ACTR3B: variants seen among roughly 807,000 people sequenced by gnomAD.
The protein encoded by ACTR3B is actin-related protein 3B.
In ACTR3B, 8 loss-of-function variants were observed where a neutral mutation model predicts 59.0. The ratio of observed to expected loss-of-function variants is 0.14; its 90% CI spans 0.08 to 0.24. The LOEUF (loss-of-function observed/expected upper bound fraction) is 0.24. Among genes scored for constraint, ACTR3B ranks in the 10% least tolerant of loss-of-function variants. ACTR3B has a pLI of 1.00. For synonymous variants in ACTR3B, 148 were observed against 197.9 expected (o/e 0.75, Z 2.12); for missense variants, 245 against 552.3 (o/e 0.44, Z 5.58).
At chr7:152,762,584 C>G (rs2098093069) in intron 1 of ACTR3B, among the ~76,000 whole-genome samples, 1 of 152,148 alleles carries the variant, frequency 6.6e-6, no homozygotes, top group South Asian at 2.1e-4. Context: ...ATTTTCCCTT[C>G]TAGAATCACA....
chr7:152,805,943 G>GT (rs1356486712), intron 4 of ACTR3B, among the ~76,000 whole-genome samples: 1 of 151,672 alleles, frequency 6.6e-6, no homozygotes, highest in Non-Finnish European at 1.5e-5. Context: ...ATATGGGTTG[G>GT]TTTTATGATA....
At chr7:152,843,056 A>C (rs1366584391) in intron 9 of ACTR3B, among the ~76,000 whole-genome samples, 1 of 151,896 alleles carries the variant, frequency 6.6e-6, no homozygotes, top group African/African-American at 2.4e-5. Flanking sequence ...TTAAGTGACA[A>C]CTCAATAGTA....
At chr7:152,788,525 C>T (rs937145185) in intron 2 of ACTR3B, among the ~76,000 whole-genome samples, 1 of 150,650 alleles carries the variant, frequency 6.6e-6, no homozygotes, top group Non-Finnish European at 1.5e-5. Context: ...GATTCTCCTG[C>T]CCTCAGCCTC....
intron 4 of ACTR3B, among the ~76,000 whole-genome samples, chr7:152,809,407 G>C (rs1325568974): frequency 6.6e-6 from 1 of 152,202 alleles, no homozygotes; most frequent in Non-Finnish European, 1.5e-5. Context: ...TTTCTAGGGA[G>C]CGTGCCCCCC....
intron 8 of ACTR3B, among the ~76,000 whole-genome samples, 184 bp downstream of exon 8, chr7:152,823,699 T>C (rs1225365596): frequency 6.6e-6 from 1 of 152,118 alleles, no homozygotes; most frequent in Non-Finnish European, 1.5e-5. Flanking sequence ...GTAGAGCTGG[T>C]TATCTGTTTT....
chr7:152,835,429 C>A (rs544000259), intron 9 of ACTR3B, among the ~76,000 whole-genome samples: 4 of 152,078 alleles, frequency 2.6e-5, no homozygotes, highest in Admixed American at 2.6e-4. Context: ...TTTTTGGTTT[C>A]CTGGTGCACA....
chr7:152,788,761 C>A (rs1446182118), intron 2 of ACTR3B, among the ~76,000 whole-genome samples: 3 of 152,096 alleles, frequency 2.0e-5, no homozygotes, highest in Non-Finnish European at 4.4e-5. Flanking sequence ...TGGTTCACAC[C>A]TGTAATTCCA....
chr7:152,830,237 G>A (rs1796919080), intron 9 of ACTR3B, among the ~76,000 whole-genome samples: 2 of 152,208 alleles, frequency 1.3e-5, no homozygotes, highest in African/African-American at 4.8e-5. Context: ...AGAGTGGGCA[G>A]ATGCCTGCGG....
chr7:152,847,349 T>C (rs1798432999), intron 9 of ACTR3B, among the ~76,000 whole-genome samples: 1 of 152,202 alleles, frequency 6.6e-6, no homozygotes, highest in African/African-American at 2.4e-5. Flanking sequence ...TTGCTGCCCA[T>C]CACAGGGATG....
At chr7:152,781,193 G>GTTTTTTTTTT (rs369933153) in intron 1 of ACTR3B, among the ~76,000 whole-genome samples, 1 of 94,418 alleles carries the variant, frequency 1.1e-5, no homozygotes, top group Non-Finnish European at 2.0e-5. Flanking sequence ...CGTTTCAGTG[G>GTTTTTTTTTT]TTTTTTTTTT....
intron 1 of ACTR3B, among the ~76,000 whole-genome samples, chr7:152,781,835 A>C (rs975818987): frequency 6.6e-6 from 1 of 152,084 alleles, no homozygotes; most frequent in African/African-American, 2.4e-5. Context: ...GAGTTGTGGT[A>C]GGTCCACTTG....
chr7:152,797,934 C>T (rs1039736099), intron 2 of ACTR3B, among the ~76,000 whole-genome samples: 9 of 152,056 alleles, frequency 5.9e-5, no homozygotes, highest in South Asian at 4.1e-4. Context: ...TCTGTTCACC[C>T]GTTAATGGAC....
At chr7:152,788,273 A>G (rs550346749) in intron 2 of ACTR3B, among the ~76,000 whole-genome samples, 130 of 152,034 alleles carry the variant, frequency 8.6e-4, no homozygotes, top group African/African-American at 3.0e-3. Flanking sequence ...TTATTTATAG[A>G]TTAATTGGGG....
chr7:152,759,811 G>A lies in ACTR3B; in HGVS notation c.-72G>A, dbSNP rs1452235707. The A allele has an allele frequency of 2.6e-6, 3 of 1,132,250 alleles. No individual in the cohort carries two copies. Among genetic ancestry groups the A allele is most frequent in the Non-Finnish European group, 3.3e-6 (3 of 915,050 alleles). 70.1% of individuals were successfully genotyped at this position (1,132,250 alleles called of 1,614,324 possible). On this transcript the variant is annotated 5_prime_UTR_variant, in exon 1 of 12. Coordinates refer to ENST00000256001, the MANE Select transcript of ACTR3B (RefSeq NM_020445.6). ...GCGGGAGACGCTGCGCGCGGGGCTAGCGGGCGGCGGAGCGGACGGCGACGG... is the reference window on the plus strand; with the variant it reads ...GCGGGAGACGCTGCGCGCGGGGCTAACGGGCGGCGGAGCGGACGGCGACGG...
At chr7:152,853,672 C>T in intron 11 of ACTR3B, 95 bp downstream of exon 11, 1 of 1,115,106 alleles carries the variant, frequency 9.0e-7, no homozygotes, top group Non-Finnish European at 1.3e-6. Flanking sequence ...AGTGTGTGCC[C>T]TAATCGTGTG....
intron 4 of ACTR3B, among the ~76,000 whole-genome samples, chr7:152,806,059 A>G (rs186854041): frequency 2.2e-4 from 34 of 152,324 alleles, no homozygotes; most frequent in African/African-American, 7.7e-4. Context: ...ATCTGCTTCT[A>G]TATTTAAAAC....
chr7:152,851,361 G>A (rs1382535722), intron 9 of ACTR3B, among the ~76,000 whole-genome samples: 1 of 152,234 alleles, frequency 6.6e-6, no homozygotes, highest in Non-Finnish European at 1.5e-5. Context: ...GGTGAGTGAC[G>A]TAGGTGAGGC....
intron 4 of ACTR3B, chr7:152,811,504 CTTAAT>C (rs1173290156): frequency 6.6e-6 from 1 of 152,142 alleles, no homozygotes; most frequent in Non-Finnish European, 1.5e-5. Flanking sequence ...TACGTTTGGT[CTTAAT>C]TTAACTATTT....
intron 2 of ACTR3B, among the ~76,000 whole-genome samples, chr7:152,795,036 CTTTTTTT>C (rs1181143284): frequency 7.3e-6 from 1 of 137,752 alleles, no homozygotes; most frequent in Non-Finnish European, 1.6e-5. Context: ...GTTTCACTCT[CTTTTTTT>C]TTTTTTTTTG....
Sources: allele counts gnomAD v4.1 joint callset (sites outside exome capture counted in the v4.1 genomes callset), GRCh38; gene constraint gnomAD v4.1.1; transcripts MANE v1.5; gene names NCBI Gene and HGNC (gene_info 2026-07-23, HGNC 2026-07-21).